CNTNAP2: variants seen among roughly 807,000 people sequenced by gnomAD.
The protein encoded by CNTNAP2 is contactin associated protein 2.
CNTNAP2 carries 98 observed loss-of-function variants against 155.2 expected under a neutral mutation model. The observed-to-expected ratio is 0.63, with a 90% CI of 0.54 to 0.75. The LOEUF (loss-of-function observed/expected upper bound fraction) is 0.75, where lower values mean the gene tolerates loss of function less well. Among genes scored for constraint, CNTNAP2 ranks in the 30% least tolerant of loss-of-function variants. CNTNAP2 has a pLI of 0.00. For missense variants in CNTNAP2, 1,727 were observed against 1,688.1 expected (o/e 1.02, Z -0.40); for synonymous variants, 651 against 631.2 (o/e 1.03, Z -0.47).
chr7:146,596,600 A>AGAGAGG (rs1798863207), intron 1 of CNTNAP2, among the ~76,000 whole-genome samples: 1 of 62,976 alleles, frequency 1.6e-5, no homozygotes, highest in Admixed American at 1.2e-4. Context: ...GGAGACAGAG[A>AGAGAGG]GAGAGAGAGA....
chr7:147,601,305 A>T (rs1039503491), intron 12 of CNTNAP2, among the ~76,000 whole-genome samples: 6 of 152,010 alleles, frequency 3.9e-5, no homozygotes, highest in African/African-American at 1.4e-4. Context: ...AGAGCCAGCA[A>T]AGGGAGATGG....
intron 10 of CNTNAP2, among the ~76,000 whole-genome samples, chr7:147,465,078 T>C (rs1377333776): frequency 6.6e-6 from 1 of 152,156 alleles, no homozygotes; most frequent in Non-Finnish European, 1.5e-5. Flanking sequence ...CACGTTCTCA[T>C]TTATAATTGG....
chr7:146,716,238 G>C (rs965719500), intron 1 of CNTNAP2, among the ~76,000 whole-genome samples: 1 of 147,012 alleles, frequency 6.8e-6, no homozygotes, highest in Non-Finnish European at 1.5e-5. Context: ...AAAAAGGCAT[G>C]TTTTGGGGTC....
At chr7:147,807,569 A>G (rs1401002064) in intron 13 of CNTNAP2, among the ~76,000 whole-genome samples, 2 of 152,190 alleles carry the variant, frequency 1.3e-5, no homozygotes, top group Non-Finnish European at 2.9e-5. Context: ...CATTCTATCC[A>G]TCTATCCACC....
At chr7:148,140,987 C>A (rs1805060819) in intron 16 of CNTNAP2, among the ~76,000 whole-genome samples, 1 of 152,208 alleles carries the variant, frequency 6.6e-6, no homozygotes, top group African/African-American at 2.4e-5. Flanking sequence ...TAGAAGGAAA[C>A]CTGAAACTCC....
At chr7:147,265,550 C>T (rs1158678778) in intron 8 of CNTNAP2, among the ~76,000 whole-genome samples, 1 of 152,184 alleles carries the variant, frequency 6.6e-6, no homozygotes, top group Admixed American at 6.5e-5. Context: ...CTGTGATCTC[C>T]GTGGATCAGT....
chr7:147,288,473 C>T (rs886684208), intron 8 of CNTNAP2, among the ~76,000 whole-genome samples: 3 of 152,208 alleles, frequency 2.0e-5, no homozygotes, highest in East Asian at 1.9e-4. Context: ...CAAATTTACA[C>T]GTTCCTCTCT....
chr7:146,179,024 G>T (rs1465821076), intron 1 of CNTNAP2, among the ~76,000 whole-genome samples: 2 of 152,164 alleles, frequency 1.3e-5, no homozygotes, highest in Non-Finnish European at 2.9e-5. Flanking sequence ...ACAACATGAA[G>T]ATTTTCCTGA....
At chr7:148,066,188 T>C (rs1400170464) in intron 15 of CNTNAP2, among the ~76,000 whole-genome samples, 1 of 152,196 alleles carries the variant, frequency 6.6e-6, no homozygotes, top group Non-Finnish European at 1.5e-5. Context: ...ACAGGTTACC[T>C]GATGTTTTTG....
chr7:146,568,817 A>C (rs1798396656), intron 1 of CNTNAP2, among the ~76,000 whole-genome samples: 2 of 152,108 alleles, frequency 1.3e-5, no homozygotes, highest in African/African-American at 4.8e-5. Context: ...CCTGGTTCCC[A>C]TGTTTCCAGC....
intron 13 of CNTNAP2, among the ~76,000 whole-genome samples, chr7:147,898,326 AC>A (rs1469110372): frequency 6.6e-6 from 1 of 152,204 alleles, no homozygotes; most frequent in East Asian, 1.9e-4. Flanking sequence ...CTGAGAAAGT[AC>A]CACAGTATTT....
At chr7:146,223,856 G>A (rs111670352) in intron 1 of CNTNAP2, among the ~76,000 whole-genome samples, 2,320 of 152,266 alleles carry the variant, frequency 0.015, 51 homozygotes, top group African/African-American at 0.052. Flanking sequence ...TAGTTATAAA[G>A]TATAATAAGT....
In CNTNAP2 at chr7:147,043,923, T is replaced by C; in HGVS notation, c.419T>C (p.Ile140Thr). 1 of 1,614,188 alleles carries C rather than the reference T, an allele frequency of 6.2e-7. No homozygotes were observed. The highest frequency in any genetic ancestry group is 1.3e-5 in the African/African-American group (1 of 75,070). ...DGNIWAFPGN[I>T]NSDGVVRHEL... Reference sequence around the variant, plus strand: ...CTTTTCCAGGCATTTCCCGGAAACATTAACTCTGACGGTGTGGTCCGGCAC... The same window carrying C: ...CTTTTCCAGGCATTTCCCGGAAACACTAACTCTGACGGTGTGGTCCGGCAC... Residue 140 changes from isoleucine to threonine, a missense_variant, in exon 4 of 24, where the codon ATT (isoleucine) becomes ACT (threonine). Transcript: ENST00000361727.
At chr7:147,654,853 G>A (rs188020308) in intron 13 of CNTNAP2, among the ~76,000 whole-genome samples, 15 of 114,786 alleles carry the variant, frequency 1.3e-4, no homozygotes, top group East Asian at 7.5e-4. Context: ...TCACTCTGTC[G>A]CCCAGGCTGG....
intron 17 of CNTNAP2, among the ~76,000 whole-genome samples, chr7:148,158,434 GA>G (rs1359699246): frequency 6.6e-6 from 1 of 152,026 alleles, no homozygotes; most frequent in Non-Finnish European, 1.5e-5. Context: ...TGTTGGCCAG[GA>G]TGGCCTCGAT....
chr7:146,950,376 A>G (rs1797283895), intron 3 of CNTNAP2, among the ~76,000 whole-genome samples: 1 of 152,094 alleles, frequency 6.6e-6, no homozygotes, highest in Admixed American at 6.6e-5. Flanking sequence ...TACACATGCC[A>G]CAGTGGTTTG....
chr7:147,212,774 C>T (rs1030909149), intron 8 of CNTNAP2, among the ~76,000 whole-genome samples: 36 of 152,144 alleles, frequency 2.4e-4, no homozygotes, highest in Admixed American at 2.2e-3. Context: ...TGTATTCTTG[C>T]ATTAAAAATG....
chr7:147,404,919 G>A (rs1796980726), intron 10 of CNTNAP2, among the ~76,000 whole-genome samples: 1 of 152,056 alleles, frequency 6.6e-6, no homozygotes, highest in Non-Finnish European at 1.5e-5. Flanking sequence ...TTTAAAAAAA[G>A]GTAGTGAAAT....
At chr7:148,344,318 G>T (rs1242120799) in intron 21 of CNTNAP2, among the ~76,000 whole-genome samples, 2 of 152,142 alleles carry the variant, frequency 1.3e-5, no homozygotes, top group Admixed American at 6.5e-5. Context: ...CTTTGGAACT[G>T]CAGGAAGTCA....
Sources: allele counts gnomAD v4.1 joint callset (sites outside exome capture counted in the v4.1 genomes callset), GRCh38; gene constraint gnomAD v4.1.1; transcripts MANE v1.5; gene names NCBI Gene and HGNC (gene_info 2026-07-23, HGNC 2026-07-21).